Variants in ELFN1 observed in about 807,000 individuals in gnomAD.
ELFN1 encodes protein ELFN1.
ELFN1 carries 6 observed loss-of-function variants against 7.6 expected under a neutral mutation model. The ratio of observed to expected loss-of-function variants is 0.79; its 90% CI spans 0.43 to 1.56. ELFN1 has a LOEUF of 1.56. Ranked by LOEUF, ELFN1 falls within the 40% of genes most tolerant of loss-of-function variation. The pLI is 0.01. For synonymous variants in ELFN1, 657 were observed against 588.1 expected, an observed-to-expected ratio of 1.12 and a Z score of -1.70; for missense variants, 1,169 against 1,232.2, an observed-to-expected ratio of 0.95 and a Z score of 0.77.
chr7:1,726,885 G>A (rs1270306023), intron 3 of ELFN1, among the ~76,000 whole-genome samples: 5 of 152,220 alleles, frequency 3.3e-5, no homozygotes. Flanking sequence ...TGAGACAGGA[G>A]CCGGGCTGGG....
At chr7:1,719,943 C>G in intron 3 of ELFN1, among the ~76,000 whole-genome samples, 1 of 149,592 alleles carries the variant, frequency 6.7e-6, no homozygotes, top group South Asian at 2.1e-4. Flanking sequence ...CAAGCTCCAG[C>G]CCCAGCCACT....
intron 3 of ELFN1, among the ~76,000 whole-genome samples, chr7:1,721,726 C>T (rs1184514570): frequency 1.3e-5 from 2 of 152,222 alleles, no homozygotes; most frequent in African/African-American, 4.8e-5. Context: ...GGAGGGACTG[C>T]ACCCAAAACC....
At chr7:1,679,208 G>T (rs1481837139) in intron 1 of ELFN1, among the ~76,000 whole-genome samples, 3 of 151,938 alleles carry the variant, frequency 2.0e-5, no homozygotes, top group African/African-American at 7.3e-5. Flanking sequence ...ACTGCGCATG[G>T]CTCCCATTTG....
intron 1 of ELFN1, among the ~76,000 whole-genome samples, chr7:1,686,080 G>C (rs1171340871): frequency 2.0e-5 from 3 of 150,300 alleles, no homozygotes; most frequent in Non-Finnish European, 4.4e-5. Context: ...CTGAGTATGG[G>C]TCACCCTTTC....
At chr7:1,722,465 C>T (rs1780053697) in intron 3 of ELFN1, among the ~76,000 whole-genome samples, 1 of 151,902 alleles carries the variant, frequency 6.6e-6, no homozygotes, top group African/African-American at 2.4e-5. Context: ...GACAGGATTT[C>T]ACCATATGGG....
Position 1,693,415 on chromosome 7 carries a change from CACATATGTGT to C in ELFN1, c.-456+5269_-456+5278del, listed in dbSNP as rs754105738. 7.6e-5 allele frequency: 36 copies of C among 471,224 alleles called. 1 individual carries two copies. The highest frequency in any genetic ancestry group is 6.4e-4 in the African/African-American group (32 of 50,190). The allele number at this position is 471,224 out of a possible 1,614,324, so 29.2% of individuals were successfully genotyped here. A position where few individuals can be genotyped will look rare whatever the true frequency, so the allele number is the denominator to read the frequency against. On this transcript the variant is annotated intron_variant, in intron 2 of 3. Coordinates refer to ENST00000424383, the MANE Select transcript of ELFN1 (RefSeq NM_001128636.4). The stretch of plus-strand genomic sequence containing the variant: ...ACTGGTGTGCCTGAGTAGGTATGTG[CACATATGTGT>C]ACACATAGGTGACATGGGCTTAGAC...
chr7:1,730,011 G>A (rs368395451), intron 3 of ELFN1, among the ~76,000 whole-genome samples: 4 of 152,170 alleles, frequency 2.6e-5, no homozygotes, highest in East Asian at 1.9e-4. Context: ...CAAGGCCCTC[G>A]GCAGCCCCAC....
intron 3 of ELFN1, among the ~76,000 whole-genome samples, chr7:1,718,208 G>T (rs979513280): frequency 6.6e-6 from 1 of 152,214 alleles, no homozygotes; most frequent in South Asian, 2.1e-4. Context: ...CTCACGTCCC[G>T]TTGGCTAGAA....
At chr7:1,721,835 A>G (rs537198621) in intron 3 of ELFN1, among the ~76,000 whole-genome samples, 1 of 152,262 alleles carries the variant, frequency 6.6e-6, no homozygotes, top group South Asian at 2.1e-4. Context: ...GCCCAAGCTC[A>G]AGTCTCCCTC....
chr7:1,722,893 T>C (rs1583371450), intron 3 of ELFN1, among the ~76,000 whole-genome samples: 1 of 152,170 alleles, frequency 6.6e-6, no homozygotes, highest in South Asian at 2.1e-4. Context: ...TTATCCCTCT[T>C]TCTCTTTAAA....
intron 3 of ELFN1, among the ~76,000 whole-genome samples, chr7:1,715,284 T>C (rs989860466): frequency 2.6e-5 from 4 of 152,194 alleles, no homozygotes; most frequent in Non-Finnish European, 5.9e-5. Flanking sequence ...CAAGGCTGCA[T>C]GCTGGCATTT....
chr7:1,746,402 C>G lies in ELFN1; in HGVS notation c.1806C>G (p.Ser602=), dbSNP rs1010455764. ...SVAEPPLVLL[S]EPLAAKHGFL... is the part of the protein sequence containing the mutation. ...CGGAGCCGCCGCTGGTGCTGCTGTC[C>G]GAGCCGCTGGCCGCCAAGCACGGCT... is the stretch of plus-strand genomic sequence containing the variant. Residue 602 remains serine (S), a synonymous_variant, in exon 4 of 4, where the codon TCC becomes TCG. Coordinates refer to ENST00000424383, the MANE Select transcript of ELFN1 (RefSeq NM_001128636.4). The G allele has an allele frequency of 2.0e-6, 3 of 1,534,708 alleles. No homozygotes were observed. The highest frequency in any genetic ancestry group is 1.2e-5 in the South Asian group (1 of 83,554).
At chr7:1,715,341 C>T (rs1285761420) in intron 3 of ELFN1, among the ~76,000 whole-genome samples, 1 of 152,158 alleles carries the variant, frequency 6.6e-6, no homozygotes, top group African/African-American at 2.4e-5. Flanking sequence ...AGCCTGGGTT[C>T]TCCCTGCTTC....
intron 3 of ELFN1, among the ~76,000 whole-genome samples, chr7:1,722,708 T>A (rs879754814): frequency 2.8e-4 from 42 of 152,218 alleles, no homozygotes; most frequent in African/African-American, 9.4e-4. Context: ...CATTTTAAAA[T>A]TGATTATAAA....
Position 1,696,846 on chromosome 7 carries a change from T to A in ELFN1, c.-456+8696T>A, listed in dbSNP as rs140314662. ...TTCATCCCAGGGATGCTGGGCACAC[T>A]TCAGCCCACGGCACTGCCCTTAAGG... On this transcript the variant is annotated intron_variant, in intron 2 of 3. Coordinates refer to ENST00000424383, the MANE Select transcript of ELFN1 (RefSeq NM_001128636.4). 2.6e-3 allele frequency among the ~76,000 whole-genome samples: 397 copies of A among 152,276 alleles called. 3 individuals carry two copies. Among genetic ancestry groups the A allele is most frequent in the African/African-American group, 9.0e-3 (372 of 41,546 alleles).
At chr7:1,702,317 G>T (rs1037043128) in intron 2 of ELFN1, among the ~76,000 whole-genome samples, 32 of 151,998 alleles carry the variant, frequency 2.1e-4, no homozygotes, top group African/African-American at 7.5e-4. Context: ...CCAGCTACTT[G>T]GGAGGCTGAG....
At chr7:1,685,651 T>C (rs1301213931) in intron 1 of ELFN1, among the ~76,000 whole-genome samples, 1 of 151,878 alleles carries the variant, frequency 6.6e-6, no homozygotes, top group Admixed American at 6.6e-5. Flanking sequence ...ATTTTTTAAA[T>C]AATTTCTGTC....
At chr7:1,667,327 G>A (rs955784467), upstream of ELFN1, among the ~76,000 whole-genome samples, 32 of 152,216 alleles carry the variant, frequency 2.1e-4, no homozygotes, top group African/African-American at 7.2e-4. The surrounding 1 kb of genome is among the most constrained non-coding windows in gnomAD (Gnocchi z 8.2). Context: ...CACGGCGAGC[G>A]CAACACATTC....
intron 3 of ELFN1, among the ~76,000 whole-genome samples, chr7:1,733,285 G>A (rs6460809): frequency 0.013 from 1,904 of 152,284 alleles, 43 homozygotes; most frequent in African/African-American, 0.042. Context: ...CGCAGTGCCC[G>A]ACAGGTGGCC....
Sources: gnomAD v4.1 joint callset for allele counts (sites outside exome capture counted in the v4.1 genomes callset) on GRCh38, gnomAD v4.1.1 for gene constraint, Gnocchi (gnomAD v3.1) non-coding constraint, MANE v1.5 for transcripts, NCBI Gene and HGNC (gene_info 2026-07-23, HGNC 2026-07-21) for gene names.